Variants in PLXDC2 observed in about 807,000 individuals in gnomAD.
The protein encoded by PLXDC2 is plexin domain containing 2.
Under a neutral mutation model 68.9 loss-of-function variants are expected in PLXDC2, and 40 were observed. That is an observed-to-expected ratio of 0.58 (90% CI 0.45 to 0.76). PLXDC2 has a LOEUF of 0.76. Ranked by LOEUF, PLXDC2 falls within the 30% of genes least tolerant of loss-of-function variation. PLXDC2 has a pLI of 0.00. For synonymous variants in PLXDC2, 243 were observed against 234.2 expected (o/e 1.04, Z -0.34); for missense variants, 644 against 661.9 (o/e 0.97, Z 0.30).
chr10:20,156,677 G>A (rs1000051173), intron 6 of PLXDC2, among the ~76,000 whole-genome samples: 3 of 152,104 alleles, frequency 2.0e-5, no homozygotes. Flanking sequence ...GGGGCAGGAG[G>A]CATGTTAGGA....
At chr10:19,830,680 C>G (rs1344823145) in intron 1 of PLXDC2, among the ~76,000 whole-genome samples, 4 of 124,274 alleles carry the variant, frequency 3.2e-5, no homozygotes, top group African/African-American at 1.3e-4. Flanking sequence ...CAGAGTGTAT[C>G]TTCACCCCTG....
chr10:20,123,140 G>T (rs1465236154), intron 4 of PLXDC2, among the ~76,000 whole-genome samples: 1 of 152,308 alleles, frequency 6.6e-6, no homozygotes, highest in South Asian at 2.1e-4. Context: ...AGGAGGGGAG[G>T]TGTGATAAAA....
intron 1 of PLXDC2, among the ~76,000 whole-genome samples, chr10:19,986,127 A>G (rs1306980904): frequency 6.6e-6 from 1 of 152,224 alleles, no homozygotes. Context: ...CGAATTGAGG[A>G]GAAAGCACTT....
At chr10:19,888,212 T>C (rs1373686734) in intron 1 of PLXDC2, among the ~76,000 whole-genome samples, 1 of 152,252 alleles carries the variant, frequency 6.6e-6, no homozygotes, top group Non-Finnish European at 1.5e-5. Flanking sequence ...AATTATTGTT[T>C]AACAAATATT....
chr10:20,266,735 G>A (rs1412524311), intron 13 of PLXDC2, among the ~76,000 whole-genome samples: 4 of 152,114 alleles, frequency 2.6e-5, no homozygotes, highest in South Asian at 2.1e-4. Context: ...AAACTAAATC[G>A]AGAGACTTTC....
At chr10:20,126,166 T>C (rs1833772588) in intron 4 of PLXDC2, among the ~76,000 whole-genome samples, 1 of 147,008 alleles carries the variant, frequency 6.8e-6, no homozygotes, top group South Asian at 2.1e-4. Flanking sequence ...TATGTATGTA[T>C]CTATACATAT....
intron 6 of PLXDC2, among the ~76,000 whole-genome samples, chr10:20,160,046 C>T (rs1253932760): frequency 6.6e-6 from 1 of 152,120 alleles, no homozygotes; most frequent in Non-Finnish European, 1.5e-5. Context: ...AATGTAGGCT[C>T]TGTGAGAGAA....
Position 20,047,011 on chromosome 10 carries a change from C to G in PLXDC2, c.467C>G (p.Ala156Gly). The change falls in exon 3 of 14, where the codon GCT becomes GGT. Residue 156 changes from alanine to glycine, a missense_variant. Around this residue, in one of 3 missense-constraint regions of PLXDC2, gnomAD observed 113 missense variants for 167.1 expected, o/e 0.68. Transcript: ENST00000377252. The part of the protein sequence containing the change: ...HGILSNTHRQ[A>G]ARVNLSFDFP... ...ATATTGTCCAATACTCATCGGCAAG[C>G]TGCAGTAAGTGTTTGGACATTCAGG... 6.3e-7 allele frequency: 1 copy of G among 1,596,610 alleles called. No homozygotes were observed. Among genetic ancestry groups the G allele is most frequent in the Non-Finnish European group, 8.5e-7 (1 of 1,172,588 alleles).
intron 13 of PLXDC2, among the ~76,000 whole-genome samples, chr10:20,251,842 A>T (rs1291609996): frequency 6.6e-6 from 1 of 152,222 alleles, no homozygotes; most frequent in East Asian, 1.9e-4. Flanking sequence ...TACAGTTTTG[A>T]TTGCTCTGTT....
chr10:20,278,927 C>G (rs1464137486), intron 13 of PLXDC2, among the ~76,000 whole-genome samples: 4 of 152,106 alleles, frequency 2.6e-5, no homozygotes, highest in African/African-American at 9.7e-5. Flanking sequence ...CCCAGTAATT[C>G]ATTTCAGTAC....
At chr10:20,138,593 A>C (rs1021601381) in intron 4 of PLXDC2, among the ~76,000 whole-genome samples, 14 of 152,172 alleles carry the variant, frequency 9.2e-5, no homozygotes, top group African/African-American at 2.9e-4. Flanking sequence ...TATTCTTTTT[A>C]AAGTTAGTGC....
At chr10:19,904,767 T>C (rs1463257626) in intron 1 of PLXDC2, among the ~76,000 whole-genome samples, 2 of 152,214 alleles carry the variant, frequency 1.3e-5, no homozygotes, top group East Asian at 3.8e-4. Flanking sequence ...GGTCCTGCCT[T>C]CTATCCTCCA....
chr10:20,175,714 C>A (rs948486031), intron 7 of PLXDC2, among the ~76,000 whole-genome samples: 4 of 152,082 alleles, frequency 2.6e-5, no homozygotes, highest in African/African-American at 9.7e-5. Context: ...TGCCTGTAGT[C>A]CTAGCTACTT....
rs534300564 is a variant in PLXDC2 at position 20,145,288 on chromosome 10, G to A, written c.664+1871G>A. On this transcript the variant is annotated intron_variant, in intron 5 of 13. Transcript: ENST00000377252. ...AAACAATATGATAATGAAAACTTAC[G>A]TTTTATTAAATGAATGAAACACTTT... 3.2e-3 allele frequency among the ~76,000 whole-genome samples: 491 copies of A among 152,226 alleles called. 2 individuals carry two copies. Among genetic ancestry groups the A allele is most frequent in the African/African-American group, 0.01 (431 of 41,556 alleles).
At chr10:19,885,782 T>C (rs1267295648) in intron 1 of PLXDC2, among the ~76,000 whole-genome samples, 1 of 152,220 alleles carries the variant, frequency 6.6e-6, no homozygotes, top group Non-Finnish European at 1.5e-5. Context: ...TGAAGTCAGG[T>C]AGCATGATGC....
chr10:20,137,330 T>C (rs954441311), intron 4 of PLXDC2, among the ~76,000 whole-genome samples: 3 of 152,194 alleles, frequency 2.0e-5, no homozygotes, highest in Non-Finnish European at 4.4e-5. Context: ...TACACTCTCA[T>C]TTAGCAGGTT....
chr10:20,138,159 A>T (rs528621543), intron 4 of PLXDC2, among the ~76,000 whole-genome samples: 2 of 152,344 alleles, frequency 1.3e-5, no homozygotes, highest in South Asian at 2.1e-4. Flanking sequence ...TGTATCCAGA[A>T]ATATACCACA....
chr10:20,031,587 T>C (rs1589596090), intron 2 of PLXDC2, among the ~76,000 whole-genome samples: 1 of 152,108 alleles, frequency 6.6e-6, no homozygotes, highest in East Asian at 1.9e-4. Context: ...AACAACTATC[T>C]CTGCATTCAG....
intron 13 of PLXDC2, among the ~76,000 whole-genome samples, chr10:20,247,815 C>G (rs1471829246): frequency 6.6e-6 from 1 of 152,124 alleles, no homozygotes; most frequent in Non-Finnish European, 1.5e-5. Context: ...AATAAATATC[C>G]TAGGACATTT....
Sources: allele counts gnomAD v4.1 joint callset (sites outside exome capture counted in the v4.1 genomes callset), GRCh38; gene constraint gnomAD v4.1.1; regional missense constraint gnomAD v4.1.1; transcripts MANE v1.5; gene names NCBI Gene and HGNC (gene_info 2026-07-23, HGNC 2026-07-21).